MKNK1: variants seen among roughly 807,000 people sequenced by gnomAD.
MKNK1 encodes MAPK interacting serine/threonine kinase 1, also known as MAP kinase-interacting serine/threonine-protein kinase 1.
In MKNK1, 30 loss-of-function variants were observed where a neutral mutation model predicts 49.3. That is an observed-to-expected ratio of 0.61 (90% CI 0.46 to 0.83). The LOEUF is 0.83. MKNK1 is among the 40% of genes least tolerant of loss of function. The probability of loss-of-function intolerance (pLI) is 0.00; values close to 1 mark genes in which losing one functional copy is unlikely to be tolerated. For missense variants in MKNK1, 423 were observed against 524.7 expected, an observed-to-expected ratio of 0.81 and a Z score of 1.89; for synonymous variants, 176 against 201.7, an observed-to-expected ratio of 0.87 and a Z score of 1.08.
At chr1:46,568,200 G>T in intron 8 of MKNK1, 2 of 462,326 alleles carry the variant, frequency 4.3e-6, no homozygotes, top group Non-Finnish European at 7.9e-6. Context: ...TATTAATTTT[G>T]TGCAGGTCTC....
intron 4 of MKNK1, among the ~76,000 whole-genome samples, chr1:46,579,731 CTCT>C (rs1351758040): frequency 6.6e-6 from 1 of 152,192 alleles, no homozygotes; most frequent in Non-Finnish European, 1.5e-5. Flanking sequence ...CAAGATCCAG[CTCT>C]TCTTCCATGT....
At chr1:46,572,834 G>T (rs530534175) in intron 6 of MKNK1, among the ~76,000 whole-genome samples, 1 of 152,068 alleles carries the variant, frequency 6.6e-6, no homozygotes, top group African/African-American at 2.4e-5. Context: ...CTGCAGCAAC[G>T]TTTTCTCCCC....
chr1:46,582,094 C>T (rs1671834579), intron 3 of MKNK1, among the ~76,000 whole-genome samples: 1 of 152,196 alleles, frequency 6.6e-6, no homozygotes, highest in Non-Finnish European at 1.5e-5. Flanking sequence ...ATAGGAAGTA[C>T]TCTCTTGTGT....
intron 1 of MKNK1, among the ~76,000 whole-genome samples, chr1:46,602,898 G>C (rs1393252019): frequency 6.6e-6 from 1 of 152,226 alleles, no homozygotes; most frequent in Non-Finnish European, 1.5e-5. Context: ...GAGACCACAT[G>C]CACTTTCTAA....
chr1:46,584,874 C>T (rs1239860736), intron 2 of MKNK1: 1 of 152,150 alleles, frequency 6.6e-6, no homozygotes, highest in East Asian at 1.9e-4. Context: ...AAGAAATCCA[C>T]AGAGCATCTC....
intron 11 of MKNK1, 125 bp downstream of exon 11, chr1:46,561,353 A>G (rs1667932080): frequency 2.8e-6 from 3 of 1,085,826 alleles, no homozygotes; most frequent in Non-Finnish European, 3.9e-6. Flanking sequence ...TCAGGGATAG[A>G]CGCTGTCCTC....
chr1:46,595,769 A>T (rs1391897780), intron 1 of MKNK1, among the ~76,000 whole-genome samples: 1 of 152,094 alleles, frequency 6.6e-6, no homozygotes, highest in Non-Finnish European at 1.5e-5. Flanking sequence ...AACACCATCC[A>T]ACGACAGGAT....
chr1:46,573,393 G>A (rs1286275816), intron 6 of MKNK1, among the ~76,000 whole-genome samples: 2 of 152,228 alleles, frequency 1.3e-5, no homozygotes, highest in Admixed American at 6.5e-5. Context: ...TCAGTCATGT[G>A]TTATTGGGTG....
chr1:46,594,195 G>T lies in MKNK1; in HGVS notation c.-85C>A, dbSNP rs1465375809. On this transcript the variant is annotated 5_prime_UTR_variant, in exon 2 of 13. Coordinates refer to ENST00000371945, the MANE Select transcript of MKNK1 (RefSeq NM_001135553.4). The stretch of plus-strand genomic sequence containing the variant: ...AAATAAAGCTCCTGTCAGGAAGTTG[G>T]TGTCTTCCAGCTACACGAAGTGTCT... 1.3e-5 allele frequency: 20 copies of T among 1,488,584 alleles called. No homozygotes were observed. The Admixed American group carries it at 3.3e-4, about 25-fold the overall frequency. 92.2% of individuals were successfully genotyped at this position (1,488,584 alleles called of 1,614,324 possible).
chr1:46,562,831 C>T lies in MKNK1; in HGVS notation c.622G>A (p.Glu208Lys). ...PELTTPCGSAEYMAPEVVEVF... is the reference protein window; with the variant it reads ...PELTTPCGSAKYMAPEVVEVF... ...TCCACTACCTCAGGGGCCATGTATT[C>T]TGCAGAGCCACACTGTGGGGGCCAG... The change falls in exon 10 of 13, where the codon GAA (glutamate) becomes AAA (lysine). Residue 208 changes from glutamate (E) to lysine (K), a missense_variant. Transcript: ENST00000371945. The T allele has an allele frequency of 6.2e-7, 1 of 1,610,784 alleles. No homozygotes were observed. Among genetic ancestry groups the T allele is most frequent in the Non-Finnish European group, 8.5e-7 (1 of 1,178,600 alleles).
At chr1:46,561,664 T>C in intron 10 of MKNK1, 22 bp from the exon 11 acceptor site, 1 of 1,611,630 alleles carries the variant, frequency 6.2e-7, no homozygotes, top group Non-Finnish European at 8.5e-7. Flanking sequence ...AGATTCCTCC[T>C]GAGGCCACAC....
intron 4 of MKNK1, among the ~76,000 whole-genome samples, chr1:46,577,006 A>C (rs1297857267): frequency 6.6e-6 from 1 of 152,188 alleles, no homozygotes; most frequent in Non-Finnish European, 1.5e-5. Flanking sequence ...CCTTAAGGGT[A>C]AGCATTTACT....
intron 1 of MKNK1, among the ~76,000 whole-genome samples, chr1:46,595,730 C>T (rs1232197829): frequency 6.6e-6 from 1 of 152,208 alleles, no homozygotes; most frequent in African/African-American, 2.4e-5. Context: ...TTCTTCACTT[C>T]TACTACCACA....
intron 1 of MKNK1, chr1:46,594,900 T>C (rs966322446): frequency 4.6e-5 from 18 of 391,532 alleles, no homozygotes; most frequent in Admixed American, 8.7e-5. Flanking sequence ...GGTGGGAGGA[T>C]TGCTTGAGCC....
intron 1 of MKNK1, among the ~76,000 whole-genome samples, chr1:46,603,640 C>T (rs1675025270): frequency 6.6e-6 from 1 of 152,174 alleles, no homozygotes; most frequent in Non-Finnish European, 1.5e-5. Flanking sequence ...AAGTTGAGCA[C>T]TTCTAACAAC....
At chr1:46,558,921 G>C (rs1667437362) in intron 12 of MKNK1, 121 bp from the exon 13 acceptor site, 1 of 812,742 alleles carries the variant, frequency 1.2e-6, no homozygotes. Flanking sequence ...CCCAGAGCTG[G>C]GACGGGCTGC....
chr1:46,568,433 C>T lies in MKNK1; in HGVS notation c.513+10G>A. On this transcript the variant is annotated intron_variant, in intron 8 of 12. Coordinates refer to ENST00000371945, the MANE Select transcript of MKNK1 (RefSeq NM_001135553.4). The stretch of plus-strand genomic sequence containing the variant: ...ATAAACTATAACATTCCAAATCAGG[C>T]CCAAAGTACCTTTTCTGGAGATTCA... 1 of 1,613,550 alleles carries T rather than the reference C, an allele frequency of 6.2e-7. No homozygotes were observed. The highest frequency in any genetic ancestry group is 1.1e-5 in the South Asian group (1 of 91,044).
At chr1:46,572,219 T>A in intron 6 of MKNK1, 52 bp from the exon 7 acceptor site, 24 of 1,506,140 alleles carry the variant, frequency 1.6e-5, no homozygotes, top group Non-Finnish European at 1.9e-5. Flanking sequence ...CTAGTAAGTA[T>A]AAGTTTTTTT....
chr1:46,566,288 A>G (rs1669052382), intron 8 of MKNK1, among the ~76,000 whole-genome samples: 1 of 152,220 alleles, frequency 6.6e-6, no homozygotes, highest in South Asian at 2.1e-4. Flanking sequence ...CACTTAGCAT[A>G]ATGTTTTCAA....
Sources: gnomAD v4.1 joint callset for allele counts (sites outside exome capture counted in the v4.1 genomes callset) on GRCh38, gnomAD v4.1.1 for gene constraint, MANE v1.5 for transcripts, NCBI Gene and HGNC (gene_info 2026-07-23, HGNC 2026-07-21) for gene names.